The following RASA3 variants were observed in gnomAD, a reference collection of about 807,000 sequenced individuals.
RASA3 encodes the protein RAS p21 protein activator 3.
In RASA3, 73 loss-of-function variants were observed where a neutral mutation model predicts 110.0. That is an observed-to-expected ratio of 0.66 (90% CI 0.55 to 0.81). The LOEUF is 0.81. Ranked by LOEUF, RASA3 falls within the 30% of genes least tolerant of loss-of-function variation. The pLI is 0.00. For synonymous variants in RASA3, 500 were observed against 451.4 expected (o/e 1.11, Z -1.37); for missense variants, 976 against 1,113.2 (o/e 0.88, Z 1.75).
At chr13:114,041,632 G>A (rs921552605) in intron 3 of RASA3, among the ~76,000 whole-genome samples, 1 of 152,372 alleles carries the variant, frequency 6.6e-6, no homozygotes, top group Middle Eastern at 3.4e-3. Context: ...CAAGAGACAC[G>A]TGTGCACCCG....
intron 14 of RASA3, 132 bp from the exon 15 acceptor site, chr13:114,013,380 T>TCTCTCTCCCTCTCTCTGTTTCC (rs2053684245): frequency 3.3e-6 from 2 of 612,258 alleles, no homozygotes; most frequent in Middle Eastern, 3.5e-4. Flanking sequence ...CCTGTGTCTG[T>TCTCTCTCCCTCTCTCTGTTTCC]CTCTCTCCCT....
chr13:114,014,157 CCTCT>C lies in RASA3; in HGVS notation c.1406-913_1406-910del, dbSNP rs1156430832. The stretch of plus-strand genomic sequence containing the variant: ...CTCTGTCTCTCTCCTTCTGTCTCTG[CCTCT>C]CTCTCCATCTCTCCCTGTTTCTCTC... On this transcript the variant is annotated intron_variant, in intron 14 of 23. Transcript: ENST00000334062. The surrounding 1 kb of genome is among the most constrained non-coding windows in gnomAD (Gnocchi z 4.5). 6.6e-6 allele frequency among the ~76,000 whole-genome samples: 1 copy of C among 150,928 alleles called. No individual in the cohort carries two copies. Among genetic ancestry groups the C allele is most frequent in the Non-Finnish European group, 1.5e-5 (1 of 67,660 alleles).
At position 114,070,994 on chromosome 13, in the gene RASA3, ACGGCGC is replaced by A. The variant is rs2079562849; in HGVS notation, c.173+2720_173+2725del. Among the ~76,000 whole-genome samples the A allele has an allele frequency of 6.1e-5, 9 of 147,528 alleles. No homozygotes were observed. The South Asian group carries it at 1.8e-3, about 29-fold the overall frequency. On this transcript the variant is annotated intron_variant, in intron 2 of 23. Transcript: ENST00000334062. ...GCAGGGCTGCCGGCGTCCACGCTAA[ACGGCGC>A]CACAGTGTTACACGTGGGCAGGGCT...
Position 114,048,677 on chromosome 13 carries a change from C to G in RASA3, c.277+3375G>C, listed in dbSNP as rs531164798. On this transcript the variant is annotated intron_variant, in intron 3 of 23. Coordinates refer to ENST00000334062, the MANE Select transcript of RASA3 (RefSeq NM_007368.4). This position sits in a 1 kb window ranked among gnomAD's most constrained non-coding sequence, Gnocchi z 4.3. ...TGGAATCCCGAAGGAGCCTGCGCCC[C>G]GTGTGTCCCGCAGGTCACGGCCCTG... Among the ~76,000 whole-genome samples, 1 of 152,346 alleles carries G rather than the reference C, an allele frequency of 6.6e-6. No homozygotes were observed. The highest frequency in any genetic ancestry group is 2.4e-5 in the African/African-American group (1 of 41,580).
intron 1 of RASA3, among the ~76,000 whole-genome samples, chr13:114,097,022 C>A (rs2079954893): frequency 6.6e-6 from 1 of 152,216 alleles, no homozygotes; most frequent in Non-Finnish European, 1.5e-5. Flanking sequence ...CCCCCAAAGC[C>A]ACCACACCTG....
chr13:114,057,247 G>A lies in RASA3; in HGVS notation c.174-5092C>T. On this transcript the variant is annotated intron_variant, in intron 2 of 23. Transcript: ENST00000334062. The surrounding 1 kb of genome is among the most constrained non-coding windows in gnomAD (Gnocchi z 5.0). ...TTATTACTAACTTTGTTTCCTGCGG[G>A]TCACCTCAAGTCTTTCAGGAAACCA... 1.0e-6 allele frequency: 1 copy of A among 985,368 alleles called. No homozygotes were observed. 61.0% of individuals were successfully genotyped at this position (985,368 alleles called of 1,614,324 possible). A position where few individuals can be genotyped will look rare whatever the true frequency, so the allele number is the denominator to read the frequency against.
chr13:114,038,054 T>C (rs1306835956), intron 4 of RASA3, among the ~76,000 whole-genome samples: 2 of 147,402 alleles, frequency 1.4e-5, no homozygotes, highest in African/African-American at 5.1e-5. Context: ...TATAGATCTA[T>C]AACCATTTCA....
intron 21 of RASA3, among the ~76,000 whole-genome samples, chr13:113,994,151 T>C (rs1220886013): frequency 6.6e-6 from 1 of 152,248 alleles, no homozygotes; most frequent in Admixed American, 6.5e-5. Context: ...TTGTTTGAAG[T>C]ATGACAGTTT....
At chr13:114,093,476 C>G (rs2079909507) in intron 1 of RASA3, among the ~76,000 whole-genome samples, 2 of 152,226 alleles carry the variant, frequency 1.3e-5, no homozygotes, top group Non-Finnish European at 2.9e-5. Context: ...TTTTCTCTTG[C>G]TGCTTTTGAC....
intron 1 of RASA3, among the ~76,000 whole-genome samples, chr13:114,081,047 T>C (rs1325419918): frequency 1.2e-3 from 171 of 141,880 alleles, no homozygotes; most frequent in African/African-American, 4.1e-3. Context: ...GCCGTCCACC[T>C]AGAACACCAA....
chr13:113,996,276 G>A (rs1022766007), intron 21 of RASA3, among the ~76,000 whole-genome samples: 8 of 152,158 alleles, frequency 5.3e-5, no homozygotes, highest in South Asian at 2.1e-4. Flanking sequence ...CCGCTCCCCC[G>A]GGGCAGGGCC....
chr13:114,014,010 GTCTCTCTCCATCTC>G lies in RASA3; in HGVS notation c.1406-776_1406-763del, dbSNP rs2053730885. On this transcript the variant is annotated intron_variant, in intron 14 of 23. Transcript: ENST00000334062. This position sits in a 1 kb window ranked among gnomAD's most constrained non-coding sequence, Gnocchi z 4.5. Reference sequence around the variant, plus strand: ...TCTCCATCTCTCTCCGTCTGTCTCTGTCTCTCTCCATCTCTCTCTCTCCGTCTCTATCTCTCTCT... The same window carrying G: ...TCTCCATCTCTCTCCGTCTGTCTCTGTCTCTCTCCGTCTCTATCTCTCTCT... Among the ~76,000 whole-genome samples, 1 of 53,964 alleles carries G rather than the reference GTCTCTCTCCATCTC, an allele frequency of 1.9e-5. No homozygotes were observed. The highest frequency in any genetic ancestry group is 4.9e-4 in the East Asian group (1 of 2,046). The allele number at this position is 53,964 out of a possible 152,430, so 35.4% of individuals were successfully genotyped here.
chr13:114,038,013 G>A (rs983822262), intron 4 of RASA3, among the ~76,000 whole-genome samples: 3 of 151,406 alleles, frequency 2.0e-5, no homozygotes, highest in Admixed American at 6.6e-5. Context: ...TTCGCCCCTC[G>A]CCACTCCTGT....
In RASA3 at chr13:114,057,137, TGTC is replaced by T. The variant is rs762876446; in HGVS notation, c.174-4985_174-4983del. On this transcript the variant is annotated intron_variant, in intron 2 of 23. Transcript: ENST00000334062. The surrounding 1 kb of genome is among the most constrained non-coding windows in gnomAD (Gnocchi z 5.0). Reference sequence around the variant, plus strand: ...ATGGGTGAGTGTTTTGCATGTCTGATGTCGTTTATTCTAGTGGTTCCAATTGCC... The same window carrying T: ...ATGGGTGAGTGTTTTGCATGTCTGATGTTTATTCTAGTGGTTCCAATTGCC... 4.4e-6 allele frequency: 4 copies of T among 904,992 alleles called. No individual in the cohort carries two copies. The highest frequency in any genetic ancestry group is 5.3e-6 in the Non-Finnish European group (4 of 756,672). The allele number at this position is 904,992 out of a possible 1,614,324, so 56.1% of individuals were successfully genotyped here. A position where few individuals can be genotyped will look rare whatever the true frequency, so the allele number is the denominator to read the frequency against.
intron 2 of RASA3, among the ~76,000 whole-genome samples, chr13:114,055,405 C>T (rs2079227358): frequency 6.6e-6 from 1 of 152,196 alleles, no homozygotes; most frequent in African/African-American, 2.4e-5. Context: ...ACGCACACTC[C>T]CCAGGCAGCG....
intron 2 of RASA3, among the ~76,000 whole-genome samples, chr13:114,067,811 G>A (rs925519876): frequency 9.2e-5 from 14 of 152,040 alleles, no homozygotes; most frequent in African/African-American, 2.4e-4. Flanking sequence ...TGATGTCCTC[G>A]TCTGCCTGGG....
intron 1 of RASA3, among the ~76,000 whole-genome samples, chr13:114,099,272 AG>A (rs1322161522): frequency 6.6e-6 from 1 of 152,024 alleles, no homozygotes; most frequent in African/African-American, 2.4e-5. Context: ...GACGCTCCCA[AG>A]CCACAGGCAG....
rs2079242440 is a variant in RASA3 at position 114,056,220 on chromosome 13, G to A, written c.174-4065C>T. ...TGTGTCCGATGAATGTCCAGTGCGT[G>A]TCCAATGCGTGTCTGGTGAGTGGTG... On this transcript the variant is annotated intron_variant, in intron 2 of 23. Coordinates refer to ENST00000334062, the MANE Select transcript of RASA3 (RefSeq NM_007368.4). This position sits in a 1 kb window ranked among gnomAD's most constrained non-coding sequence, Gnocchi z 5.7. Among the ~76,000 whole-genome samples the A allele has an allele frequency of 1.3e-5, 2 of 152,190 alleles. No homozygotes were observed. The highest frequency in any genetic ancestry group is 1.3e-4 in the Admixed American group (2 of 15,278).
At chr13:114,089,800 C>T (rs796414245) in intron 1 of RASA3, among the ~76,000 whole-genome samples, 9 of 151,948 alleles carry the variant, frequency 5.9e-5, no homozygotes, top group South Asian at 4.2e-4. Context: ...TCCCCCTGAA[C>T]GAAACCCACC....
Sources: gnomAD v4.1 joint callset for allele counts (sites outside exome capture counted in the v4.1 genomes callset) on GRCh38, gnomAD v4.1.1 for gene constraint, Gnocchi (gnomAD v3.1) non-coding constraint, MANE v1.5 for transcripts, NCBI Gene and HGNC (gene_info 2026-07-23, HGNC 2026-07-21) for gene names.